Variants in CACNG5 observed in about 807,000 individuals in gnomAD.
The protein encoded by CACNG5 is voltage-dependent calcium channel gamma-5 subunit.
Under a neutral mutation model 24.8 loss-of-function variants are expected in CACNG5, and 18 were observed. That is an observed-to-expected ratio of 0.73 (90% CI 0.50 to 1.08). The LOEUF (loss-of-function observed/expected upper bound fraction) is 1.08, where lower values mean the gene tolerates loss of function less well. Among genes scored for constraint, CACNG5 ranks in the 50% least tolerant of loss-of-function variants. The probability of loss-of-function intolerance (pLI) is 0.00; values close to 1 mark genes in which losing one functional copy is unlikely to be tolerated. For synonymous variants in CACNG5, 157 were observed against 149.1 expected (o/e 1.05, Z -0.39); for missense variants, 349 against 367.9 (o/e 0.95, Z 0.42).
chr17:66,851,703 AAG>A (rs1411839016), intron 1 of CACNG5, among the ~76,000 whole-genome samples: 1 of 152,220 alleles, frequency 6.6e-6, no homozygotes, highest in African/African-American at 2.4e-5. Context: ...GAAAGGGAAA[AAG>A]AGAGAGAAAA....
chr17:66,863,960 C>G (rs1424348025), intron 1 of CACNG5, among the ~76,000 whole-genome samples: 3 of 152,186 alleles, frequency 2.0e-5, no homozygotes, highest in African/African-American at 7.2e-5. Flanking sequence ...ATTCATCATT[C>G]CTGTGTCTGA....
At chr17:66,836,774 G>T (rs1455752855) in intron 1 of CACNG5, among the ~76,000 whole-genome samples, 1 of 152,236 alleles carries the variant, frequency 6.6e-6, no homozygotes, top group African/African-American at 2.4e-5. Context: ...TTCAACGGAA[G>T]ATAGAGGTGG....
At chr17:66,873,114 G>A (rs1977032841) in intron 1 of CACNG5, among the ~76,000 whole-genome samples, 2 of 152,106 alleles carry the variant, frequency 1.3e-5, no homozygotes, top group African/African-American at 4.8e-5. Flanking sequence ...TCCACAAAGT[G>A]GGGCTGATCC....
At chr17:66,872,059 A>G (rs944563926) in intron 1 of CACNG5, among the ~76,000 whole-genome samples, 8 of 152,210 alleles carry the variant, frequency 5.3e-5, no homozygotes, top group African/African-American at 1.7e-4. Flanking sequence ...TTCTGGAAAC[A>G]ATACATGTTC....
chr17:66,884,793 T>C (rs1977227092), intron 5 of CACNG5, 132 bp downstream of exon 5: 1 of 1,613,382 alleles, frequency 6.2e-7, no homozygotes, highest in Non-Finnish European at 8.5e-7. Flanking sequence ...TCTACTTCCC[T>C]TCCTCATCCC....
chr17:66,859,079 T>C (rs1031347554), intron 1 of CACNG5, among the ~76,000 whole-genome samples: 8 of 152,200 alleles, frequency 5.3e-5, no homozygotes. Context: ...CGCTCAGCTG[T>C]GCTCAGACAC....
intron 1 of CACNG5, among the ~76,000 whole-genome samples, chr17:66,839,422 C>A (rs1357052392): frequency 6.6e-6 from 1 of 152,006 alleles, no homozygotes; most frequent in Non-Finnish European, 1.5e-5. Flanking sequence ...GCGAAATGAA[C>A]AATACATATG....
At chr17:66,880,088 A>G (rs1021119595) in intron 3 of CACNG5, among the ~76,000 whole-genome samples, 24 of 152,154 alleles carry the variant, frequency 1.6e-4, no homozygotes, top group Admixed American at 2.0e-4. Flanking sequence ...CCCCAACAGA[A>G]TTGCTCCCCA....
chr17:66,885,514 GA>G lies in CACNG5; in HGVS notation c.*276del. The G allele has an allele frequency of 2.3e-6, 1 of 442,288 alleles. No individual in the cohort carries two copies. Among genetic ancestry groups the G allele is most frequent in the Non-Finnish European group, 4.0e-6 (1 of 252,484 alleles). The allele number at this position is 442,288 out of a possible 1,614,324, so 27.4% of individuals were successfully genotyped here. A position where few individuals can be genotyped will look rare whatever the true frequency, so the allele number is the denominator to read the frequency against. ...GTGCCAATCACAGCAGTGGCTCCAGGAAGCCAGCAGCTCCCCCCAAGCCCAG... is the reference window on the plus strand; with the variant it reads ...GTGCCAATCACAGCAGTGGCTCCAGGAGCCAGCAGCTCCCCCCAAGCCCAG... On this transcript the variant is annotated 3_prime_UTR_variant, in exon 6 of 6. Transcript: ENST00000533854.
intron 2 of CACNG5, among the ~76,000 whole-genome samples, chr17:66,878,022 C>A (rs1024006528): frequency 2.0e-5 from 3 of 152,218 alleles, no homozygotes; most frequent in African/African-American, 7.2e-5. Flanking sequence ...TTGGCAGTTT[C>A]TCTGTTCCTC....
intron 1 of CACNG5, among the ~76,000 whole-genome samples, chr17:66,838,308 G>T (rs28651545): frequency 6.6e-6 from 1 of 151,462 alleles, no homozygotes; most frequent in Non-Finnish European, 1.5e-5. Flanking sequence ...GAGTGGCCTG[G>T]GGGGAGCAGA....
At chr17:66,852,758 C>A (rs769731480) in intron 1 of CACNG5, among the ~76,000 whole-genome samples, 7 of 152,142 alleles carry the variant, frequency 4.6e-5, no homozygotes, top group Non-Finnish European at 8.8e-5. Flanking sequence ...GGCTCTTCTA[C>A]AAGTTCATAT....
At chr17:66,839,161 C>T (rs913321119) in intron 1 of CACNG5, among the ~76,000 whole-genome samples, 3 of 151,790 alleles carry the variant, frequency 2.0e-5, no homozygotes, top group Non-Finnish European at 4.4e-5. Flanking sequence ...GGGGTTTTCC[C>T]ATGTTGGCCA....
At position 66,885,019 on chromosome 17, in the gene CACNG5, C is replaced by T. The variant is rs142426129; in HGVS notation, c.607C>T (p.Arg203Trp). The T allele has an allele frequency of 1.4e-5, 23 of 1,614,166 alleles. No homozygotes were observed. The highest frequency in any genetic ancestry group is 8.0e-5 in the African/African-American group (6 of 75,026). ...GATGTCTGTGTACCTGTTTATGAAG[C>T]GGTACACCGCGGAGGACATGTACAG... ...GVMSVYLFMK[R>W]YTAEDMYRPH... The change falls in exon 6 of 6, where the codon CGG becomes TGG. Residue 203 changes from arginine (R) to tryptophan (W), a missense_variant. Transcript: ENST00000533854.
intron 1 of CACNG5, among the ~76,000 whole-genome samples, chr17:66,843,633 G>A (rs748831991): frequency 3.8e-4 from 58 of 152,142 alleles, no homozygotes; most frequent in Non-Finnish European, 7.1e-4. Flanking sequence ...GAATCACATT[G>A]GAGCAAGGAT....
intron 1 of CACNG5, among the ~76,000 whole-genome samples, chr17:66,841,981 C>A (rs573623218): frequency 6.6e-5 from 10 of 152,240 alleles, no homozygotes; most frequent in African/African-American, 2.4e-4. Flanking sequence ...GCTGTGGAGC[C>A]AAGCAAGGAA....
At chr17:66,877,716 G>T (rs1353291151) in intron 2 of CACNG5, among the ~76,000 whole-genome samples, 188 bp downstream of exon 2, 1 of 152,112 alleles carries the variant, frequency 6.6e-6, no homozygotes, top group Admixed American at 6.5e-5. Context: ...CCTGATTCTC[G>T]ATGTCCATTT....
At chr17:66,842,303 C>T (rs1337259117) in intron 1 of CACNG5, among the ~76,000 whole-genome samples, 1 of 152,174 alleles carries the variant, frequency 6.6e-6, no homozygotes, top group Non-Finnish European at 1.5e-5. Context: ...AACCAAGTTC[C>T]CTGCTGGCTC....
intron 5 of CACNG5, 117 bp downstream of exon 5, chr17:66,884,778 C>T (rs767886857): frequency 1.2e-6 from 2 of 1,613,540 alleles, no homozygotes; most frequent in East Asian, 2.2e-5. Flanking sequence ...CCCCGGACCA[C>T]CCACTCTACT....
Sources: allele counts gnomAD v4.1 joint callset (sites outside exome capture counted in the v4.1 genomes callset), GRCh38; gene constraint gnomAD v4.1.1; transcripts MANE v1.5; gene names NCBI Gene and HGNC (gene_info 2026-07-23, HGNC 2026-07-21).